The following UBE3D variants were observed in gnomAD, a reference collection of about 807,000 sequenced individuals.
UBE3D encodes the protein ubiquitin protein ligase E3D.
In UBE3D, 48 loss-of-function variants were observed where a neutral mutation model predicts 49.6. The ratio of observed to expected loss-of-function variants is 0.97; its 90% CI spans 0.77 to 1.23. The LOEUF (loss-of-function observed/expected upper bound fraction) is 1.23, where lower values mean the gene tolerates loss of function less well. UBE3D is among the 50% of genes most tolerant of loss of function. The pLI, the probability that UBE3D is intolerant of heterozygous loss-of-function variation, is 0.00. For missense variants in UBE3D, 452 were observed against 468.4 expected, an observed-to-expected ratio of 0.96 and a Z score of 0.32; for synonymous variants, 189 against 174.2, an observed-to-expected ratio of 1.08 and a Z score of -0.67.
chr6:82,989,682 T>G (rs931160842), intron 8 of UBE3D, among the ~76,000 whole-genome samples: 1 of 152,152 alleles, frequency 6.6e-6, no homozygotes, highest in African/African-American at 2.4e-5. Flanking sequence ...TGCCTACCCC[T>G]GATCTAAAGC....
the UBE3D span, among the ~76,000 whole-genome samples, chr6:82,882,638 A>T: frequency 6.6e-6 from 1 of 152,194 alleles, no homozygotes; most frequent in East Asian, 1.9e-4. Flanking sequence ...TTGAAGCAGA[A>T]GGGCCCATCT....
chr6:82,915,089 T>C (rs1772822210), intron 9 of UBE3D, among the ~76,000 whole-genome samples: 1 of 152,166 alleles, frequency 6.6e-6, no homozygotes, highest in Non-Finnish European at 1.5e-5. Context: ...GGGCATATTT[T>C]TAGAAGCAAA....
At chr6:83,065,121 A>C (rs1784411896) in intron 1 of UBE3D, among the ~76,000 whole-genome samples, 1 of 152,244 alleles carries the variant, frequency 6.6e-6, no homozygotes, top group South Asian at 2.1e-4. Flanking sequence ...AACCTGTCTT[A>C]GTGGTTCACT....
At chr6:83,011,313 G>C (rs1780321826) in intron 8 of UBE3D, among the ~76,000 whole-genome samples, 1 of 152,076 alleles carries the variant, frequency 6.6e-6, no homozygotes, top group African/African-American at 2.4e-5. Context: ...CTGGTCACCT[G>C]GTCGTAGCTG....
rs116266895 is a variant in UBE3D at position 82,986,933 on chromosome 6, C to T, written c.1011-29483G>A. 8.8e-3 allele frequency among the ~76,000 whole-genome samples: 1,338 copies of T among 151,486 alleles called. 18 individuals are homozygous for T. Among genetic ancestry groups the T allele is most frequent in the African/African-American group, 0.031 (1,270 of 41,316 alleles). ...AAAAAGCCTGCCCGCCTTTCCTTCC[C>T]TTCCTCCCTTCCTCTCTTCCTTCCT... On this transcript the variant is annotated intron_variant, in intron 8 of 9. Transcript: ENST00000369747.
At chr6:83,003,824 C>A (rs1306648305) in intron 8 of UBE3D, among the ~76,000 whole-genome samples, 1 of 152,120 alleles carries the variant, frequency 6.6e-6, no homozygotes, top group Non-Finnish European at 1.5e-5. Context: ...CAGTTCATGA[C>A]TGTACTTACA....
intron 5 of UBE3D, chr6:83,032,349 T>C: frequency 2.2e-6 from 1 of 448,152 alleles, no homozygotes; most frequent in Non-Finnish European, 4.5e-6. Flanking sequence ...TTTTGGAGCT[T>C]TAAGGTTTGA....
intron 8 of UBE3D, among the ~76,000 whole-genome samples, chr6:83,006,525 A>G (rs1350012710): frequency 3.3e-5 from 5 of 152,180 alleles, no homozygotes; most frequent in Admixed American, 2.6e-4. Flanking sequence ...AGGCCATGCA[A>G]GGACACAGAG....
chr6:83,026,743 G>T (rs1352514907), intron 5 of UBE3D, among the ~76,000 whole-genome samples: 1 of 151,870 alleles, frequency 6.6e-6, no homozygotes, highest in Admixed American at 6.5e-5. Context: ...GCCCAATTAG[G>T]GTGCAGTGGT....
intron 9 of UBE3D, among the ~76,000 whole-genome samples, chr6:82,921,211 C>T (rs1000032400): frequency 2.6e-5 from 4 of 152,092 alleles, no homozygotes; most frequent in Non-Finnish European, 5.9e-5. Flanking sequence ...ATCTTGGCCT[C>T]CCAAAGCGCT....
chr6:83,024,160 C>A, intron 5 of UBE3D, 122 bp from the exon 6 acceptor site: 1 of 504,364 alleles, frequency 2.0e-6, no homozygotes, highest in South Asian at 4.2e-5. Flanking sequence ...AATTAATATT[C>A]TGTAAACATT....
chr6:83,011,546 A>G (rs1780334976), intron 8 of UBE3D, among the ~76,000 whole-genome samples: 1 of 152,132 alleles, frequency 6.6e-6, no homozygotes, highest in Non-Finnish European at 1.5e-5. Flanking sequence ...GATCTCCTGT[A>G]TTTCATGCAT....
intron 9 of UBE3D, among the ~76,000 whole-genome samples, chr6:82,915,536 G>C (rs1214297094): frequency 6.6e-6 from 1 of 152,162 alleles, no homozygotes; most frequent in East Asian, 1.9e-4. Flanking sequence ...CTCACTGAAC[G>C]TGTTTCTGAA....
At chr6:83,006,777 T>C (rs924623842) in intron 8 of UBE3D, among the ~76,000 whole-genome samples, 4 of 151,942 alleles carry the variant, frequency 2.6e-5, no homozygotes, top group African/African-American at 9.7e-5. Flanking sequence ...GGAAAGAGGG[T>C]TGTGGTTTAA....
chr6:83,054,979 T>G (rs1783721027), intron 2 of UBE3D, among the ~76,000 whole-genome samples: 1 of 152,132 alleles, frequency 6.6e-6, no homozygotes, highest in Non-Finnish European at 1.5e-5. Context: ...TTAAATAAGG[T>G]TTATGTCCAG....
At chr6:82,928,908 CT>C (rs1281632560) in intron 9 of UBE3D, among the ~76,000 whole-genome samples, 3 of 152,092 alleles carry the variant, frequency 2.0e-5, no homozygotes, top group African/African-American at 7.2e-5. Context: ...ATAACAAAAC[CT>C]AGTCCCAACA....
At chr6:82,950,347 C>T (rs1164763963) in intron 9 of UBE3D, among the ~76,000 whole-genome samples, 1 of 152,046 alleles carries the variant, frequency 6.6e-6, no homozygotes, top group Non-Finnish European at 1.5e-5. Context: ...TGGCTTTTAT[C>T]CAAAAGACAG....
intron 8 of UBE3D, among the ~76,000 whole-genome samples, chr6:82,979,424 GTC>G (rs944287822): frequency 1.9e-4 from 29 of 152,056 alleles, no homozygotes; most frequent in Non-Finnish European, 3.5e-4. Flanking sequence ...TGGCTCTCTG[GTC>G]TTCGTTTGAA....
chr6:83,061,447 A>C (rs755063456), intron 1 of UBE3D, among the ~76,000 whole-genome samples: 1 of 152,252 alleles, frequency 6.6e-6, no homozygotes, highest in Non-Finnish European at 1.5e-5. Flanking sequence ...TCCTACTTTA[A>C]GACTAAGTTT....
Sources: gnomAD v4.1 joint callset for allele counts (sites outside exome capture counted in the v4.1 genomes callset) on GRCh38, gnomAD v4.1.1 for gene constraint, MANE v1.5 for transcripts, NCBI Gene and HGNC (gene_info 2026-07-23, HGNC 2026-07-21) for gene names.